Variants in MAP2K4 observed in about 807,000 individuals in gnomAD.
MAP2K4 encodes the protein mitogen-activated protein kinase kinase 4, also known as dual specificity mitogen-activated protein kinase kinase 4.
In MAP2K4, 4 loss-of-function variants were observed where a neutral mutation model predicts 48.5. The ratio of observed to expected loss-of-function variants is 0.08; its 90% CI spans 0.04 to 0.19. The LOEUF (loss-of-function observed/expected upper bound fraction) is 0.19, where lower values mean the gene tolerates loss of function less well. MAP2K4 is among the 10% of genes least tolerant of loss of function. The pLI, the probability that MAP2K4 is intolerant of heterozygous loss-of-function variation, is 1.00. For synonymous variants in MAP2K4, 166 were observed against 173.1 expected, an observed-to-expected ratio of 0.96 and a Z score of 0.32; for missense variants, 258 against 493.3, an observed-to-expected ratio of 0.52 and a Z score of 4.52.
In MAP2K4 at chr17:12,141,496, A is replaced by G. The variant is rs1973376805; in HGVS notation, c.*236A>G. The G allele has an allele frequency of 2.0e-6, 1 of 511,996 alleles. No homozygotes were observed. Among genetic ancestry groups the G allele is most frequent in the Non-Finnish European group, 3.5e-6 (1 of 286,552 alleles). 31.7% of individuals were successfully genotyped at this position (511,996 alleles called of 1,614,324 possible). ...AGAGACCTCATCCTGCTCTTTTGTG[A>G]TGAACATATTCATGAAATGTGGAAG... is the stretch of plus-strand genomic sequence containing the variant. On this transcript the variant is annotated 3_prime_UTR_variant, in exon 11 of 11. Coordinates refer to ENST00000353533, the MANE Select transcript of MAP2K4 (RefSeq NM_003010.4).
rs2151601201 is a variant in MAP2K4 at position 12,143,694 on chromosome 17, G to A, written c.*2434G>A. 1 of 230,394 alleles carries A rather than the reference G, an allele frequency of 4.3e-6. No homozygotes were observed. Among genetic ancestry groups the A allele is most frequent in the East Asian group, 6.2e-5 (1 of 16,118 alleles). 14.3% of individuals were successfully genotyped at this position (230,394 alleles called of 1,614,324 possible). ...GTTTATGTAATAGTTCTATCCTTTT[G>A]CCTGCAGGTCAGTTGTAATAAATCT... On this transcript the variant is annotated 3_prime_UTR_variant, in exon 11 of 11. Coordinates refer to ENST00000353533, the MANE Select transcript of MAP2K4 (RefSeq NM_003010.4).
At position 12,028,911 on chromosome 17, in the gene MAP2K4, A is replaced by G. The variant is rs185889535; in HGVS notation, c.115+7910A>G. Among the ~76,000 whole-genome samples the G allele has an allele frequency of 2.1e-4, 32 of 152,280 alleles. No individual in the cohort carries two copies. In the Middle Eastern group the frequency reaches 0.014, roughly 65 times the overall value. ...TTAGATTTAGGCACACTGTTTTCAA[A>G]CCCTTAAGATAATATTCTTTATTTA... On this transcript the variant is annotated intron_variant, in intron 1 of 10. Coordinates refer to ENST00000353533, the MANE Select transcript of MAP2K4 (RefSeq NM_003010.4).
intron 3 of MAP2K4, among the ~76,000 whole-genome samples, chr17:12,087,959 A>G (rs892350053): frequency 4.6e-5 from 7 of 152,092 alleles, no homozygotes; most frequent in East Asian, 1.9e-4. Flanking sequence ...ACTCTAGCTG[A>G]TAAGGAGGAA....
intron 2 of MAP2K4, among the ~76,000 whole-genome samples, chr17:12,066,776 G>A (rs533385030): frequency 6.5e-4 from 99 of 152,160 alleles, no homozygotes; most frequent in African/African-American, 2.2e-3. Context: ...TGCAAGCTCC[G>A]CCTTCCGGGT....
At chr17:12,061,985 C>T (rs1487876675) in intron 2 of MAP2K4, among the ~76,000 whole-genome samples, 1 of 151,734 alleles carries the variant, frequency 6.6e-6, no homozygotes, top group Non-Finnish European at 1.5e-5. Flanking sequence ...TAATAACTGC[C>T]TCATATATGG....
intron 3 of MAP2K4, among the ~76,000 whole-genome samples, chr17:12,088,568 AAT>A (rs370589423): frequency 7.5e-6 from 1 of 133,196 alleles, no homozygotes; most frequent in African/African-American, 2.8e-5. Flanking sequence ...ATATATATTA[AAT>A]ATATAATATA....
Position 12,142,480 on chromosome 17 carries a change from T to G in MAP2K4, c.*1220T>G. 4.3e-6 allele frequency: 1 copy of G among 232,972 alleles called. No individual in the cohort carries two copies. Among genetic ancestry groups the G allele is most frequent in the Non-Finnish European group, 8.5e-6 (1 of 117,866 alleles). The allele number at this position is 232,972 out of a possible 1,614,324, so 14.4% of individuals were successfully genotyped here. On this transcript the variant is annotated 3_prime_UTR_variant, in exon 11 of 11. Transcript: ENST00000353533. Reference sequence around the variant, plus strand: ...TAGCAGGGATGTTCCTTACCAAGGATTTTTAGCCCCAAATCTCTCATATTC... The same window carrying G: ...TAGCAGGGATGTTCCTTACCAAGGAGTTTTAGCCCCAAATCTCTCATATTC...
In MAP2K4 at chr17:12,141,036, T is replaced by C. The variant is rs76810515; in HGVS notation, c.1087-111T>C. The C allele has an allele frequency of 5.2e-3, 3,570 of 682,684 alleles. 19 individuals carry two copies. Among genetic ancestry groups the C allele is most frequent in the East Asian group, 0.029 (1,086 of 37,652 alleles). The allele number at this position is 682,684 out of a possible 1,614,324, so 42.3% of individuals were successfully genotyped here. ...GAACTTGTAGTGTTGCGGTATTTCATAGCTATGTGTGGTTGGGAGCCTGGA... is the reference window on the plus strand; with the variant it reads ...GAACTTGTAGTGTTGCGGTATTTCACAGCTATGTGTGGTTGGGAGCCTGGA... On this transcript the variant is annotated intron_variant, in intron 10 of 10. Transcript: ENST00000353533.
At chr17:12,103,039 TAA>T (rs555398450) in intron 4 of MAP2K4, among the ~76,000 whole-genome samples, 25 of 126,364 alleles carry the variant, frequency 2.0e-4, no homozygotes, top group Non-Finnish European at 2.2e-4. Context: ...TTCTTATCTT[TAA>T]AAAAAAAAAA....
At position 12,020,917 on chromosome 17, in the gene MAP2K4, G is replaced by C. The variant is rs1229178018; in HGVS notation, c.31G>C (p.Gly11Arg). The change falls in exon 1 of 11, where the codon GGC becomes CGC. Residue 11 changes from glycine to arginine, a missense_variant. Physicochemically the swap from Gly to Arg is moderately radical, Grantham distance 125. Coordinates refer to ENST00000353533, the MANE Select transcript of MAP2K4 (RefSeq NM_003010.4). The part of the protein sequence containing the change: MAAPSPSGGG[G>R]SGGGSGSGTP... ...GGCTCCGAGCCCGAGCGGCGGCGGC[G>C]GCTCCGGGGGCGGCAGCGGCAGCGG... 2.5e-6 allele frequency: 3 copies of C among 1,216,468 alleles called. No homozygotes were observed. The highest frequency in any genetic ancestry group is 3.1e-6 in the Non-Finnish European group (3 of 978,228). The allele number at this position is 1,216,468 out of a possible 1,614,324, so 75.4% of individuals were successfully genotyped here. A position where few individuals can be genotyped will look rare whatever the true frequency, so the allele number is the denominator to read the frequency against.
At chr17:12,136,628 A>G (rs1163401056) in intron 9 of MAP2K4, among the ~76,000 whole-genome samples, 2 of 151,800 alleles carry the variant, frequency 1.3e-5, no homozygotes, top group Non-Finnish European at 2.9e-5. Context: ...GGGAGCTAAT[A>G]TAATTATTGA....
intron 1 of MAP2K4, among the ~76,000 whole-genome samples, chr17:12,041,502 T>C (rs1301839342): frequency 6.6e-6 from 1 of 152,246 alleles, no homozygotes; most frequent in African/African-American, 2.4e-5. Flanking sequence ...CTCATGGCAG[T>C]TAAAAATGCC....
At chr17:12,042,652 A>AAAC (rs1969827035) in intron 1 of MAP2K4, among the ~76,000 whole-genome samples, 1 of 151,318 alleles carries the variant, frequency 6.6e-6, no homozygotes, top group Admixed American at 6.6e-5. Context: ...GAAAACAAAC[A>AAAC]AACAAAAAAC....
intron 5 of MAP2K4, among the ~76,000 whole-genome samples, chr17:12,109,684 T>A (rs1457819884): frequency 6.6e-6 from 1 of 152,160 alleles, no homozygotes; most frequent in East Asian, 1.9e-4. Context: ...TAGCATCCAA[T>A]GAGGGTGGAT....
intron 7 of MAP2K4, among the ~76,000 whole-genome samples, chr17:12,118,869 G>GTGA (rs531906565): frequency 6.6e-6 from 1 of 152,118 alleles, no homozygotes; most frequent in South Asian, 2.1e-4. Flanking sequence ...TGACTATTCA[G>GTGA]TGATGATGAT....
chr17:12,091,958 AAC>A (rs1463411059), intron 3 of MAP2K4, among the ~76,000 whole-genome samples: 2 of 152,162 alleles, frequency 1.3e-5, no homozygotes, highest in Non-Finnish European at 2.9e-5. Context: ...TTTTTCAAGA[AAC>A]ACAATTTAAT....
chr17:12,090,701 T>TAAAC (rs377158499), intron 3 of MAP2K4, among the ~76,000 whole-genome samples: 12 of 152,088 alleles, frequency 7.9e-5, no homozygotes, highest in African/African-American at 2.9e-4. Flanking sequence ...TGAAGGGAAA[T>TAAAC]AAACAAACAA....
Position 12,089,078 on chromosome 17 carries a change from A to AT in MAP2K4, c.394-6490dup, listed in dbSNP as rs1245062621. Among the ~76,000 whole-genome samples, 5 of 151,522 alleles carry AT rather than the reference A, an allele frequency of 3.3e-5. No homozygotes were observed. The South Asian group carries it at 6.3e-4, about 19-fold the overall frequency. ...AGGCGCACGCCACCACGCCTGGCTA[A>AT]TTTTTTTGTATTTTTAGTAGAGACG... On this transcript the variant is annotated intron_variant, in intron 3 of 10. Transcript: ENST00000353533.
At chr17:12,108,825 A>G (rs1438550008) in intron 5 of MAP2K4, among the ~76,000 whole-genome samples, 1 of 152,002 alleles carries the variant, frequency 6.6e-6, no homozygotes, top group Non-Finnish European at 1.5e-5. Flanking sequence ...AAATCATTTT[A>G]TTTTTAAATT....
Sources: allele counts gnomAD v4.1 joint callset (sites outside exome capture counted in the v4.1 genomes callset), GRCh38; gene constraint gnomAD v4.1.1; transcripts MANE v1.5; gene names NCBI Gene and HGNC (gene_info 2026-07-23, HGNC 2026-07-21).